SRL: variants seen among roughly 807,000 people sequenced by gnomAD.
The protein encoded by SRL is sarcalumenin.
In SRL, 23 loss-of-function variants were observed where a neutral mutation model predicts 39.5. The observed-to-expected ratio is 0.58, with a 90% CI of 0.42 to 0.82. The LOEUF (loss-of-function observed/expected upper bound fraction) is 0.82, where lower values mean the gene tolerates loss of function less well. Among genes scored for constraint, SRL ranks in the 40% least tolerant of loss-of-function variants. The probability of loss-of-function intolerance (pLI) is 0.00; values close to 1 mark genes in which losing one functional copy is unlikely to be tolerated. For synonymous variants in SRL, 272 were observed against 237.4 expected (o/e 1.15, Z -1.34); for missense variants, 592 against 607.8 (o/e 0.97, Z 0.27).
intron 1 of SRL, among the ~76,000 whole-genome samples, chr16:4,241,154 G>C (rs1365830761): frequency 6.6e-6 from 1 of 151,970 alleles, no homozygotes; most frequent in Non-Finnish European, 1.5e-5. Flanking sequence ...GACTCGGTGG[G>C]CAGTCCGGAT....
intron 1 of SRL, chr16:4,207,722 G>C (rs1428757321): frequency 1.2e-5 from 5 of 412,708 alleles, no homozygotes; most frequent in South Asian, 8.8e-5. Flanking sequence ...CTCCAGAACT[G>C]GGCTCCGGCC....
At chr16:4,195,898 A>T in intron 4 of SRL, 112 bp from the exon 5 acceptor site, 2 of 853,324 alleles carry the variant, frequency 2.3e-6, no homozygotes, top group South Asian at 3.4e-5. Flanking sequence ...ACAGAATTGG[A>T]TATGTTTGCC....
chr16:4,223,802 C>G (rs2052557320), intron 1 of SRL, among the ~76,000 whole-genome samples: 1 of 152,142 alleles, frequency 6.6e-6, no homozygotes, highest in African/African-American at 2.4e-5. Flanking sequence ...TTCCCAGAGA[C>G]CTACGGGTTG....
In SRL at chr16:4,229,897, C is replaced by T. The variant is rs113017681; in HGVS notation, c.61+12110G>A. ...GCCCAAGGCCAAGACTTTGAGGGGA[C>T]TGCGTGCTGGGGCCTCGTGCAGAAG... On this transcript the variant is annotated intron_variant, in intron 1 of 5. Coordinates refer to ENST00000399609, the MANE Select transcript of SRL (RefSeq NM_001098814.2). 5.5e-3 allele frequency among the ~76,000 whole-genome samples: 845 copies of T among 152,256 alleles called. 2 individuals carry two copies. The highest frequency in any genetic ancestry group is 8.8e-3 in the Non-Finnish European group (597 of 68,018).
chr16:4,196,593 G>C (rs891037148), intron 4 of SRL, among the ~76,000 whole-genome samples: 2 of 149,358 alleles, frequency 1.3e-5, no homozygotes, highest in East Asian at 4.1e-4. Flanking sequence ...CGATTCTCCT[G>C]CCTCAGCCTC....
At position 4,192,425 on chromosome 16, in the gene SRL, T is replaced by C. The variant is rs754341304; in HGVS notation, c.1150A>G (p.Ile384Val). The C allele has an allele frequency of 6.2e-7, 1 of 1,614,214 alleles. No individual in the cohort carries two copies. The highest frequency in any genetic ancestry group is 8.5e-7 in the Non-Finnish European group (1 of 1,180,040). ...DPDKFYIFKT[I>V]LAKTNVSKFD... is the part of the protein sequence containing the mutation. ...TTGCTGACATTGGTCTTTGCCAGGA[T>C]GGTCTTGAAGATGTAGAATTTATCG... is the stretch of plus-strand genomic sequence containing the variant. Residue 384 changes from isoleucine (I) to valine (V), a missense_variant, in exon 6 of 6, where the codon ATC becomes GTC. Ile to Val is a conservative substitution (Grantham distance 29). Transcript: ENST00000399609. The surrounding 1 kb of genome is among the most constrained non-coding windows in gnomAD (Gnocchi z 4.0).
chr16:4,232,177 G>GA (rs34555811), intron 1 of SRL, among the ~76,000 whole-genome samples: 4,919 of 152,316 alleles, frequency 0.032, 138 homozygotes, highest in Non-Finnish European at 0.05. Flanking sequence ...ACAAAGGCAG[G>GA]AAAGGAGGTG....
Position 4,189,605 on chromosome 16 carries a change from T to G in SRL, c.*2548A>C, listed in dbSNP as rs1289284911. 6.6e-6 allele frequency: 1 copy of G among 151,914 alleles called. No homozygotes were observed. The highest frequency in any genetic ancestry group is 1.5e-5 in the Non-Finnish European group (1 of 68,060). The allele number at this position is 151,914 out of a possible 1,614,324, so 9.4% of individuals were successfully genotyped here. On this transcript the variant is annotated 3_prime_UTR_variant, in exon 6 of 6. Transcript: ENST00000399609. ...CCAGACACTGAGTATCTGTACTGAC[T>G]GATGGGCAGGCCTGTGAGCAGCAGA...
chr16:4,190,681 C>T lies in SRL; in HGVS notation c.*1472G>A, dbSNP rs575465193. On this transcript the variant is annotated 3_prime_UTR_variant, in exon 6 of 6. Coordinates refer to ENST00000399609, the MANE Select transcript of SRL (RefSeq NM_001098814.2). The stretch of plus-strand genomic sequence containing the variant: ...TATTCACACTTATTGGTATTGAAGG[C>T]CCTGGCTTTCCTGCGGTGTGTTCAG... The T allele has an allele frequency of 7.7e-6, 3 of 389,756 alleles. No homozygotes were observed. In the Admixed American group the frequency reaches 1.3e-4, roughly 17 times the overall value. The allele number at this position is 389,756 out of a possible 1,614,324, so 24.1% of individuals were successfully genotyped here.
chr16:4,227,739 C>G (rs1407492990), intron 1 of SRL, among the ~76,000 whole-genome samples: 2 of 152,136 alleles, frequency 1.3e-5, no homozygotes, highest in East Asian at 3.9e-4. Context: ...GGCCATGTCA[C>G]CTAACCTGTC....
At chr16:4,230,282 G>T (rs2052644545) in intron 1 of SRL, among the ~76,000 whole-genome samples, 1 of 152,090 alleles carries the variant, frequency 6.6e-6, no homozygotes, top group Non-Finnish European at 1.5e-5. Flanking sequence ...CAAGGAAACA[G>T]GTACCCCCTC....
intron 1 of SRL, among the ~76,000 whole-genome samples, chr16:4,236,837 G>A (rs539538983): frequency 1.3e-5 from 2 of 151,908 alleles, no homozygotes; most frequent in East Asian, 3.9e-4. Flanking sequence ...TAGAGATGGG[G>A]TTTCACCCTA....
chr16:4,228,596 G>A (rs562917673), intron 1 of SRL, among the ~76,000 whole-genome samples: 124 of 151,460 alleles, frequency 8.2e-4, no homozygotes, highest in Admixed American at 5.8e-3. Flanking sequence ...TTAGTCAGGC[G>A]TGGTGGCGGG....
intron 4 of SRL, among the ~76,000 whole-genome samples, chr16:4,197,533 T>C (rs1050230417): frequency 1.3e-5 from 2 of 150,920 alleles, no homozygotes; most frequent in South Asian, 2.1e-4. Flanking sequence ...GCAATTCTCA[T>C]GTCTCAAGTT....
rs1423378149 is a variant in SRL, at chr16:4,190,067, C to A, written c.*2086G>T. On this transcript the variant is annotated 3_prime_UTR_variant, in exon 6 of 6. Transcript: ENST00000399609. ...GATGCCCCTTGCAGAACTCACTGTT[C>A]TTTCCTGGTCGACTCGTTCCTTGGA... is the stretch of plus-strand genomic sequence containing the variant. 7.6e-6 allele frequency: 3 copies of A among 393,042 alleles called. No homozygotes were observed. The highest frequency in any genetic ancestry group is 1.4e-4 in the South Asian group (1 of 6,974). 24.3% of individuals were successfully genotyped at this position (393,042 alleles called of 1,614,324 possible). A position where few individuals can be genotyped will look rare whatever the true frequency, so the allele number is the denominator to read the frequency against.
chr16:4,195,770 G>T lies in SRL; in HGVS notation c.393C>A (p.Thr131=), dbSNP rs202207558. The T allele has an allele frequency of 1.9e-4, 302 of 1,614,020 alleles. 1 individual carries two copies. The East Asian group carries it at 6.4e-3, about 34-fold the overall frequency. The change falls in exon 5 of 6, where the codon ACC becomes ACA. Residue 131 remains threonine, a synonymous_variant. Coordinates refer to ENST00000399609, the MANE Select transcript of SRL (RefSeq NM_001098814.2). ...YQLYTGAEPT[T]SEFTVLMHGP... ...CATGCATGAGGACCGTGAACTCAGA[G>T]GTGGTGGGTTCAGCGCCTGGGCACA...
intron 2 of SRL, among the ~76,000 whole-genome samples, chr16:4,203,546 G>C (rs930483469): frequency 6.6e-6 from 1 of 152,126 alleles, no homozygotes; most frequent in South Asian, 2.1e-4. Flanking sequence ...TTTAGAGAAA[G>C]GATCTTGCTC....
rs11640587 is a variant in SRL, at chr16:4,214,222, C to T, written c.62-9588G>A. On this transcript the variant is annotated intron_variant, in intron 1 of 5. Coordinates refer to ENST00000399609, the MANE Select transcript of SRL (RefSeq NM_001098814.2). ...GTTGAATGTATTCAGTGCCTTCGTG[C>T]AATCAAATGTAGATTCTATTCCAGC... 2.0e-5 allele frequency among the ~76,000 whole-genome samples: 3 copies of T among 152,192 alleles called. No individual in the cohort carries two copies. In the East Asian group the frequency reaches 5.8e-4, roughly 29 times the overall value.
intron 1 of SRL, among the ~76,000 whole-genome samples, chr16:4,234,314 T>C (rs2052691983): frequency 6.6e-6 from 1 of 152,190 alleles, no homozygotes; most frequent in African/African-American, 2.4e-5. Flanking sequence ...ATTTAATAAA[T>C]TATTGCTTTA....
Sources: allele counts gnomAD v4.1 joint callset (sites outside exome capture counted in the v4.1 genomes callset), GRCh38; gene constraint gnomAD v4.1.1; non-coding constraint Gnocchi (gnomAD v3.1); transcripts MANE v1.5; gene names NCBI Gene and HGNC (gene_info 2026-07-23, HGNC 2026-07-21).